The following GAS7 variants were observed in gnomAD, a reference collection of about 807,000 sequenced individuals.
GAS7 encodes growth arrest-specific protein 7.
In GAS7, 28 loss-of-function variants were observed where a neutral mutation model predicts 71.1. That is an observed-to-expected ratio of 0.39 (90% CI 0.29 to 0.54). The LOEUF (loss-of-function observed/expected upper bound fraction) is 0.54. Ranked by LOEUF, GAS7 falls within the 20% of genes least tolerant of loss-of-function variation. The probability of loss-of-function intolerance (pLI) is 0.62; values close to 1 mark genes in which losing one functional copy is unlikely to be tolerated. For missense variants in GAS7, 436 were observed against 627.8 expected (o/e 0.69, Z 3.27); for synonymous variants, 258 against 245.8 (o/e 1.05, Z -0.46).
intron 1 of GAS7, chr17:10,036,380 C>T: frequency 7.2e-7 from 1 of 1,381,036 alleles, no homozygotes. Context: ...TAGAAACATG[C>T]AGAGAAAAGC....
chr17:10,031,548 C>T (rs902628561), intron 1 of GAS7, among the ~76,000 whole-genome samples: 4 of 152,166 alleles, frequency 2.6e-5, no homozygotes, highest in East Asian at 1.9e-4. Flanking sequence ...ATCAAGCTGT[C>T]GGCAGAGGGT....
intron 1 of GAS7, among the ~76,000 whole-genome samples, chr17:10,066,040 G>A (rs1374611858): frequency 1.3e-5 from 2 of 152,270 alleles, no homozygotes; most frequent in African/African-American, 4.8e-5. Flanking sequence ...TTGACCTTGA[G>A]ATAAGATGAA....
At chr17:9,965,463 G>T (rs2152117527) in intron 4 of GAS7, among the ~76,000 whole-genome samples, 1 of 152,246 alleles carries the variant, frequency 6.6e-6, no homozygotes, top group Middle Eastern at 3.4e-3. Flanking sequence ...GATGAACAAT[G>T]GGACCATATG....
Position 9,947,075 on chromosome 17 carries a change from C to A in GAS7, c.526-92G>T, listed in dbSNP as rs543269945. 3 of 795,536 alleles carry A rather than the reference C, an allele frequency of 3.8e-6. No individual in the cohort carries two copies. The South Asian group carries it at 4.5e-5, about 12-fold the overall frequency. The allele number at this position is 795,536 out of a possible 1,614,324, so 49.3% of individuals were successfully genotyped here. A position where few individuals can be genotyped will look rare whatever the true frequency, so the allele number is the denominator to read the frequency against. On this transcript the variant is annotated intron_variant, in intron 5 of 13. Transcript: ENST00000432992. ...CCTGGGGGACACGGCACTGGAGCAG[C>A]CTCCCTATTGACAGAACACGCACAG...
At chr17:10,178,128 G>GC (rs2142139005) in intron 1 of GAS7, among the ~76,000 whole-genome samples, 2 of 152,350 alleles carry the variant, frequency 1.3e-5, no homozygotes, top group South Asian at 4.1e-4. Context: ...GTATGTGGCA[G>GC]AATGAGCAGC....
chr17:10,174,467 C>T (rs138873096), intron 1 of GAS7, among the ~76,000 whole-genome samples: 32 of 152,206 alleles, frequency 2.1e-4, no homozygotes, highest in Admixed American at 8.5e-4. Flanking sequence ...CCGAGACGGG[C>T]GGATCACGAG....
intron 2 of GAS7, among the ~76,000 whole-genome samples, chr17:9,995,209 G>C (rs1315337653): frequency 6.6e-6 from 1 of 152,186 alleles, no homozygotes; most frequent in African/African-American, 2.4e-5. Flanking sequence ...TGAGGGTTGT[G>C]ACTGTATTGA....
intron 1 of GAS7, among the ~76,000 whole-genome samples, chr17:10,197,039 G>C (rs1349759430): frequency 6.6e-6 from 1 of 152,172 alleles, no homozygotes; most frequent in African/African-American, 2.4e-5. Context: ...CTTTAGGAGA[G>C]ATTTTGTTGT....
intron 4 of GAS7, among the ~76,000 whole-genome samples, chr17:9,968,944 ATCT>A (rs1047396948): frequency 9.2e-5 from 14 of 152,340 alleles, no homozygotes; most frequent in African/African-American, 3.4e-4. Context: ...CATTAAGAAC[ATCT>A]TCTTGATAAT....
intron 1 of GAS7, among the ~76,000 whole-genome samples, chr17:10,123,678 C>T (rs1435965623): frequency 6.6e-6 from 1 of 152,386 alleles, no homozygotes; most frequent in East Asian, 1.9e-4. Flanking sequence ...CACCAGCCCT[C>T]ACCTAGAGCT....
chr17:10,167,442 C>CA (rs1234790559), intron 1 of GAS7, among the ~76,000 whole-genome samples: 1 of 152,158 alleles, frequency 6.6e-6, no homozygotes, highest in Non-Finnish European at 1.5e-5. Context: ...ATATAAACCT[C>CA]ACGTGGGTGT....
At chr17:10,008,963 GC>G (rs1597674926) in intron 2 of GAS7, among the ~76,000 whole-genome samples, 1 of 152,114 alleles carries the variant, frequency 6.6e-6, no homozygotes, top group African/African-American at 2.4e-5. Context: ...AATTATCAGG[GC>G]CATTCATTCT....
intron 1 of GAS7, among the ~76,000 whole-genome samples, chr17:10,062,430 A>C (rs998995033): frequency 3.9e-5 from 6 of 152,240 alleles, no homozygotes; most frequent in Non-Finnish European, 5.9e-5. Flanking sequence ...GGTTGCAGTG[A>C]GCCGAGATTG....
In GAS7 at chr17:10,028,858, C is replaced by T. The variant is rs150754856; in HGVS notation, c.184-8961G>A. Among the ~76,000 whole-genome samples, 9 of 152,078 alleles carry T rather than the reference C, an allele frequency of 5.9e-5. No homozygotes were observed. In the East Asian group the frequency reaches 1.5e-3, roughly 26 times the overall value. On this transcript the variant is annotated intron_variant, in intron 1 of 13. Coordinates refer to ENST00000432992, the MANE Select transcript of GAS7 (RefSeq NM_201433.2). ...AGAACAAACGAGAATTGTTTTTTCC[C>T]CAGAATGCAAAGGAAATGGGAAAAA...
In GAS7 at chr17:10,140,914, T is replaced by A. The variant is rs72809382; in HGVS notation, c.183+57294A>T. On this transcript the variant is annotated intron_variant, in intron 1 of 13. Transcript: ENST00000432992. ...ATGCTAAAGATGCAGGGTCCCACAC[T>A]GGCCACTATGCCTCAATGGCTCCCC... 6.2e-3 allele frequency among the ~76,000 whole-genome samples: 943 copies of A among 152,368 alleles called. 22 individuals are homozygous for A. In the South Asian group the frequency reaches 0.063, roughly 10 times the overall value.
chr17:10,056,775 T>G (rs1295134511), intron 1 of GAS7, among the ~76,000 whole-genome samples: 1 of 150,572 alleles, frequency 6.6e-6, no homozygotes, highest in African/African-American at 2.5e-5. Flanking sequence ...CCCCACGATC[T>G]CCCTCTCCCT....
At chr17:9,960,764 C>T (rs1409675720) in intron 4 of GAS7, among the ~76,000 whole-genome samples, 1 of 152,252 alleles carries the variant, frequency 6.6e-6, no homozygotes, top group East Asian at 1.9e-4. Context: ...CCCATACAGT[C>T]TTACTTGGGT....
At chr17:10,095,383 C>T (rs2073630083) in intron 1 of GAS7, among the ~76,000 whole-genome samples, 1 of 152,182 alleles carries the variant, frequency 6.6e-6, no homozygotes, top group Admixed American at 6.5e-5. Flanking sequence ...CTCCAGAAAT[C>T]ACTGGGCCCT....
chr17:10,114,462 C>T (rs570146585), intron 1 of GAS7: 1 of 152,270 alleles, frequency 6.6e-6, no homozygotes, highest in African/African-American at 2.4e-5. Flanking sequence ...GCTTCAGGGT[C>T]CCGTTTCTGA....
Sources: gnomAD v4.1 joint callset for allele counts (sites outside exome capture counted in the v4.1 genomes callset) on GRCh38, gnomAD v4.1.1 for gene constraint, MANE v1.5 for transcripts, NCBI Gene and HGNC (gene_info 2026-07-23, HGNC 2026-07-21) for gene names.